LCOR: variants seen among roughly 807,000 people sequenced by gnomAD.
The protein encoded by LCOR is ligand-dependent corepressor.
A neutral mutation model predicts 64.4 loss-of-function variants in LCOR; 14 were observed. The observed-to-expected ratio is 0.22, with a 90% CI of 0.14 to 0.34. The LOEUF (loss-of-function observed/expected upper bound fraction) is 0.34, where lower values mean the gene tolerates loss of function less well. Ranked by LOEUF, LCOR falls within the 10% of genes least tolerant of loss-of-function variation. LCOR has a pLI of 1.00. For synonymous variants in LCOR, 643 were observed against 642.5 expected (o/e 1.00, Z -0.01); for missense variants, 1,686 against 1,765.3 (o/e 0.96, Z 0.80).
chr10:96,888,526 AT>A (rs527719861), intron 2 of LCOR, among the ~76,000 whole-genome samples: 1 of 151,060 alleles, frequency 6.6e-6, no homozygotes. Context: ...AACAAATGTA[AT>A]TTTTTTTTGG....
At chr10:96,911,906 C>A (rs909008303) in intron 4 of LCOR, among the ~76,000 whole-genome samples, 1 of 152,068 alleles carries the variant, frequency 6.6e-6, no homozygotes, top group African/African-American at 2.4e-5. Flanking sequence ...TCTCTGTGTA[C>A]TGCTTATTCA....
chr10:96,929,038 G>T (rs1254063563), intron 4 of LCOR, among the ~76,000 whole-genome samples: 1 of 152,166 alleles, frequency 6.6e-6, no homozygotes, highest in Non-Finnish European at 1.5e-5. Flanking sequence ...TCCAGGCTTT[G>T]TTGTTCTGTT....
chr10:96,839,234 G>C (rs1004839168), intron 2 of LCOR, among the ~76,000 whole-genome samples: 4 of 152,114 alleles, frequency 2.6e-5, no homozygotes, highest in African/African-American at 9.7e-5. Flanking sequence ...TGAATTGTAA[G>C]AATTGTGTAT....
intron 2 of LCOR, among the ~76,000 whole-genome samples, chr10:96,893,906 T>TA (rs1350889101): frequency 1.3e-5 from 2 of 152,164 alleles, no homozygotes; most frequent in Non-Finnish European, 2.9e-5. Flanking sequence ...CTCCTTCTAT[T>TA]ACACTACAAC....
chr10:96,931,935 T>C (rs998619735), intron 4 of LCOR, among the ~76,000 whole-genome samples: 14 of 152,210 alleles, frequency 9.2e-5, no homozygotes, highest in African/African-American at 3.4e-4. Context: ...ATATTACTCT[T>C]TCTGAATTAC....
intron 2 of LCOR, among the ~76,000 whole-genome samples, chr10:96,863,224 G>A (rs1296733988): frequency 8.7e-6 from 1 of 115,090 alleles, no homozygotes; most frequent in Non-Finnish European, 1.7e-5. Context: ...TTTTTTTTGT[G>A]ATGGAGTCTC....
At chr10:96,859,375 A>G (rs1445644586) in intron 2 of LCOR, among the ~76,000 whole-genome samples, 2 of 151,986 alleles carry the variant, frequency 1.3e-5, no homozygotes. Context: ...ACATCTGGCT[A>G]ATTTTTTTGT....
intron 2 of LCOR, among the ~76,000 whole-genome samples, chr10:96,837,071 A>G (rs1845454842): frequency 6.6e-6 from 1 of 151,142 alleles, no homozygotes; most frequent in African/African-American, 2.4e-5. Flanking sequence ...AGCTCACTGC[A>G]AGTTCCGCCT....
At chr10:96,936,007 T>C (rs1289844509) in intron 4 of LCOR, among the ~76,000 whole-genome samples, 1 of 152,230 alleles carries the variant, frequency 6.6e-6, no homozygotes, top group Non-Finnish European at 1.5e-5. Context: ...ATTAAATGTT[T>C]GTTTATTTGA....
chr10:96,862,705 A>G (rs1415798476), intron 2 of LCOR, among the ~76,000 whole-genome samples: 6 of 152,120 alleles, frequency 3.9e-5, no homozygotes, highest in Non-Finnish European at 8.8e-5. Context: ...GCCAGCTCCT[A>G]TCCTCAAGCT....
chr10:96,861,748 G>A (rs1845891525), intron 2 of LCOR, among the ~76,000 whole-genome samples: 1 of 152,162 alleles, frequency 6.6e-6, no homozygotes, highest in Non-Finnish European at 1.5e-5. Flanking sequence ...GTTTCGCCAT[G>A]TTGGCCAGGC....
rs1250047444 is a variant in LCOR, at chr10:96,833,388, C to G, written c.-403-18C>G. On this transcript the variant is annotated intron_variant, in intron 1 of 7. Transcript: ENST00000421806. Reference sequence around the variant, plus strand: ...GCGCCTCTCACACTGTGTGTTTTGTCTGTTTTTCTCTCCCAAGGTCCCGTT... The same window carrying G: ...GCGCCTCTCACACTGTGTGTTTTGTGTGTTTTTCTCTCCCAAGGTCCCGTT... 4.1e-6 allele frequency: 4 copies of G among 985,612 alleles called. No individual in the cohort carries two copies. The highest frequency in any genetic ancestry group is 4.8e-6 in the Non-Finnish European group (4 of 829,804). 61.1% of individuals were successfully genotyped at this position (985,612 alleles called of 1,614,324 possible). A position where few individuals can be genotyped will look rare whatever the true frequency, so the allele number is the denominator to read the frequency against.
intron 4 of LCOR, among the ~76,000 whole-genome samples, chr10:96,943,170 A>C (rs761457509): frequency 6.6e-6 from 1 of 152,170 alleles, no homozygotes; most frequent in Non-Finnish European, 1.5e-5. Context: ...CATAATCTCA[A>C]GTGCAACCTC....
Position 96,985,935 on chromosome 10 carries a change from C to T in LCOR, c.*801C>T, listed in dbSNP as rs1319254846. ...CTTCATTTCTGGTCTTGCTAGCACT[C>T]CTGCAAGGCTTCCATCCTACTTCGG... is the stretch of plus-strand genomic sequence containing the variant. On this transcript the variant is annotated 3_prime_UTR_variant, in exon 8 of 8. Transcript: ENST00000421806. 6.0e-6 allele frequency: 1 copy of T among 167,014 alleles called. No homozygotes were observed. Among genetic ancestry groups the T allele is most frequent in the Non-Finnish European group, 1.5e-5 (1 of 68,100 alleles). The allele number at this position is 167,014 out of a possible 1,614,324, so 10.3% of individuals were successfully genotyped here.
chr10:96,890,317 C>G (rs1358474710), intron 2 of LCOR, among the ~76,000 whole-genome samples: 1 of 152,080 alleles, frequency 6.6e-6, no homozygotes, highest in East Asian at 1.9e-4. Context: ...CTCCTGGCCT[C>G]AAGCAATCTT....
chr10:96,840,286 TAAAG>T (rs1298694904), intron 2 of LCOR, among the ~76,000 whole-genome samples: 7 of 152,214 alleles, frequency 4.6e-5, no homozygotes, highest in African/African-American at 7.2e-5. Context: ...TACTTTTTGA[TAAAG>T]AGAGTTGTAG....
chr10:96,859,866 C>G (rs1026435226), intron 2 of LCOR, among the ~76,000 whole-genome samples: 1 of 152,094 alleles, frequency 6.6e-6, no homozygotes, highest in African/African-American at 2.4e-5. Context: ...TGATGTGTCT[C>G]TTTCTGTATA....
intron 4 of LCOR, among the ~76,000 whole-genome samples, chr10:96,922,003 G>A (rs891814686): frequency 6.6e-6 from 1 of 152,184 alleles, no homozygotes; most frequent in Admixed American, 6.5e-5. Flanking sequence ...ATCAGGAGGT[G>A]TCAAACCCAG....
At chr10:96,976,009 C>T (rs890565387) in intron 7 of LCOR, among the ~76,000 whole-genome samples, 7 of 152,096 alleles carry the variant, frequency 4.6e-5, no homozygotes, top group African/African-American at 1.7e-4. Flanking sequence ...CAGCGAAACA[C>T]ACAAGACCCC....
Sources: gnomAD v4.1 joint callset for allele counts (sites outside exome capture counted in the v4.1 genomes callset) on GRCh38, gnomAD v4.1.1 for gene constraint, MANE v1.5 for transcripts, NCBI Gene and HGNC (gene_info 2026-07-23, HGNC 2026-07-21) for gene names.